Variants in SPTA1 observed in about 807,000 individuals in gnomAD.
SPTA1 encodes the protein spectrin alpha chain, erythrocytic 1.
SPTA1 carries 177 observed loss-of-function variants against 324.7 expected under a neutral mutation model. The observed-to-expected ratio is 0.55, with a 90% confidence interval of 0.48 to 0.62. The LOEUF is 0.62. Among genes scored for constraint, SPTA1 ranks in the 20% least tolerant of loss-of-function variants. The pLI is 0.00. For missense variants in SPTA1, 3,162 were observed against 2,883.6 expected (o/e 1.10, Z -2.21); for synonymous variants, 1,195 against 1,041.3 (o/e 1.15, Z -2.84).
chr1:158,612,739 A>G, intron 51 of SPTA1, 78 bp downstream of exon 51: 1 of 1,563,364 alleles, frequency 6.4e-7, no homozygotes, highest in African/African-American at 1.4e-5. Flanking sequence ...GGTTTTTTCA[A>G]AGTAGGCCAC....
In SPTA1 at chr1:158,640,558, TCC is replaced by T. The variant is rs1172869861; in HGVS notation, c.4738-553_4738-552del. On this transcript the variant is annotated intron_variant, in intron 33 of 51. Transcript: ENST00000643759. ...ACAGAGAGCCAAATCATGAGTGAAC[TCC>T]CATTCACAATTGCTTCAAAGAGAAT... Among the ~76,000 whole-genome samples the T allele has an allele frequency of 7.9e-5, 12 of 152,188 alleles. No individual in the cohort carries two copies. In the South Asian group the frequency reaches 2.1e-3, roughly 26 times the overall value.
At position 158,677,931 on chromosome 1, in the gene SPTA1, C is replaced by G. The variant is rs932360511; in HGVS notation, c.813-97G>C. ...CACAGCAAGGACCATCCTAGTTGAC[C>G]CAGGAGCAATTATCCTTTCTTCCTA... On this transcript the variant is annotated intron_variant, in intron 6 of 51. Coordinates refer to ENST00000643759, the MANE Select transcript of SPTA1 (RefSeq NM_003126.4). 109 of 1,480,430 alleles carry G rather than the reference C, an allele frequency of 7.4e-5. No individual in the cohort carries two copies. In the African/African-American group the frequency reaches 1.3e-3, roughly 18 times the overall value. 91.7% of individuals were successfully genotyped at this position (1,480,430 alleles called of 1,614,324 possible).
intron 51 of SPTA1, 78 bp from the exon 52 acceptor site, chr1:158,611,467 C>G: frequency 6.4e-7 from 1 of 1,561,580 alleles, no homozygotes; most frequent in Non-Finnish European, 8.8e-7. Flanking sequence ...CATATTACGC[C>G]ATAAATGCAG....
chr1:158,658,881 G>T (rs972863969), intron 18 of SPTA1, among the ~76,000 whole-genome samples: 2 of 152,052 alleles, frequency 1.3e-5, no homozygotes, highest in Admixed American at 6.6e-5. Flanking sequence ...TGTCAACCAA[G>T]AATTTTATAT....
chr1:158,681,350 T>C (rs1571531573), intron 4 of SPTA1, among the ~76,000 whole-genome samples, 177 bp downstream of exon 4: 1 of 152,228 alleles, frequency 6.6e-6, no homozygotes, highest in Middle Eastern at 3.4e-3. Flanking sequence ...CTTACTTCCA[T>C]ACAATGTTGA....
chr1:158,669,624 C>A (rs769424098), intron 13 of SPTA1, 61 bp from the exon 14 acceptor site: 83 of 1,613,902 alleles, frequency 5.1e-5, no homozygotes, highest in Non-Finnish European at 6.5e-5. Flanking sequence ...GTGAGATTCG[C>A]TGACCACCCT....
At position 158,620,340 on chromosome 1, in the gene SPTA1, T is replaced by C. The variant is rs1316613936; in HGVS notation, c.6247A>G (p.Lys2083Glu). 5 of 1,614,094 alleles carry C rather than the reference T, an allele frequency of 3.1e-6. No homozygotes were observed. The highest frequency in any genetic ancestry group is 3.4e-6 in the Non-Finnish European group (4 of 1,180,030). The change falls in exon 44 of 52, where the codon AAA becomes GAA. Residue 2083 changes from lysine to glutamate, a missense_variant. Transcript: ENST00000643759. The part of the protein sequence containing the change: ...VSLNEIRQLQ[K>E]DHEDFLASLA... Reference sequence around the variant, plus strand: ...GAGGCCAAGAAGTCCTCATGGTCTTTCTGCAGCTGCCGAATTTCATTCAGG... The same window carrying C: ...GAGGCCAAGAAGTCCTCATGGTCTTCCTGCAGCTGCCGAATTTCATTCAGG...
At chr1:158,611,487 A>G (rs1026793058) in intron 51 of SPTA1, 98 bp from the exon 52 acceptor site, 19 of 1,422,966 alleles carry the variant, frequency 1.3e-5, no homozygotes, top group Non-Finnish European at 1.7e-5. Context: ...GGAGATGGAG[A>G]GTCTCTGGAA....
At chr1:158,644,139 A>G in intron 30 of SPTA1, 114 bp downstream of exon 30, 1 of 1,415,670 alleles carries the variant, frequency 7.1e-7, no homozygotes, top group Non-Finnish European at 9.5e-7. Context: ...TCCATCTCAA[A>G]AAAAAAAAAA....
Position 158,651,880 on chromosome 1 carries a change from GCTCTCTCT to G in SPTA1, c.3376-420_3376-413del, listed in dbSNP as rs60287443. On this transcript the variant is annotated intron_variant, in intron 23 of 51. Coordinates refer to ENST00000643759, the MANE Select transcript of SPTA1 (RefSeq NM_003126.4). ...ATTGTAAGAAACAGCTCTAGGGAGTGCTCTCTCTCTCTCTCTCTCTCTCTCTCTCTGTG... is the reference window on the plus strand; with the variant it reads ...ATTGTAAGAAACAGCTCTAGGGAGTGCTCTCTCTCTCTCTCTCTCTCTGTG... Among the ~76,000 whole-genome samples, 1,043 of 149,386 alleles carry G rather than the reference GCTCTCTCT, an allele frequency of 7.0e-3. 12 individuals are homozygous for G. The highest frequency in any genetic ancestry group is 0.025 in the African/African-American group (1,006 of 40,180).
At position 158,677,713 on chromosome 1, in the gene SPTA1, T is replaced by C. The variant is rs1362834467; in HGVS notation, c.934A>G (p.Asn312Asp). Residue 312 changes from asparagine (N) to aspartate (D), a missense_variant, in exon 7 of 52, where the codon AAT (asparagine) becomes GAT (aspartate). Transcript: ENST00000643759. ...ACCTTGTCACTCATGACAGCAAGAT[T>C]TCTCTCAAGTCCCTTGTGACTGTGA... is the stretch of plus-strand genomic sequence containing the variant. The part of the protein sequence containing the change: ...LFHSHKGLER[N>D]LAVMSDKVKE... 2 of 1,613,414 alleles carry C rather than the reference T, an allele frequency of 1.2e-6. No homozygotes were observed. Among genetic ancestry groups the C allele is most frequent in the Non-Finnish European group, 1.7e-6 (2 of 1,179,704 alleles).
chr1:158,650,559 A>C (rs970548884), intron 24 of SPTA1, among the ~76,000 whole-genome samples: 1 of 152,178 alleles, frequency 6.6e-6, no homozygotes, highest in African/African-American at 2.4e-5. Context: ...CTACTGACCT[A>C]TATTCTCCTT....
intron 19 of SPTA1, 41 bp from the exon 20 acceptor site, chr1:158,656,697 G>A (rs376113424): frequency 1.0e-5 from 16 of 1,538,734 alleles, no homozygotes; most frequent in Non-Finnish European, 1.4e-5. Context: ...GAATATAGGA[G>A]GAACACTATT....
At chr1:158,681,734 G>A (rs1205466339) in intron 3 of SPTA1, 67 bp from the exon 4 acceptor site, 12 of 1,604,294 alleles carry the variant, frequency 7.5e-6, no homozygotes, top group Middle Eastern at 3.3e-4. Flanking sequence ...TCAGAGACTT[G>A]TGCAGAAAGA....
intron 43 of SPTA1, chr1:158,622,663 G>T: frequency 3.0e-6 from 1 of 328,092 alleles, no homozygotes; most frequent in East Asian, 7.7e-5. Flanking sequence ...GAAAAGTACA[G>T]GGACAACCTT....
chr1:158,657,015 A>G (rs1313105323), intron 19 of SPTA1, among the ~76,000 whole-genome samples: 1 of 152,234 alleles, frequency 6.6e-6, no homozygotes, highest in Non-Finnish European at 1.5e-5. Flanking sequence ...GTGAAATACT[A>G]TACCAGCTTC....
At chr1:158,668,185 G>A in intron 14 of SPTA1, 123 bp from the exon 15 acceptor site, 3 of 1,113,708 alleles carry the variant, frequency 2.7e-6, no homozygotes, top group Non-Finnish European at 3.9e-6. Context: ...AAGATAAAAG[G>A]GGGAAGTTTC....
chr1:158,665,913 C>T (rs571949621), intron 16 of SPTA1, among the ~76,000 whole-genome samples: 4 of 152,140 alleles, frequency 2.6e-5, no homozygotes, highest in South Asian at 2.1e-4. Flanking sequence ...TAGTAAGCCA[C>T]AAGGATGTAT....
chr1:158,628,325 C>A (rs1308901979), intron 39 of SPTA1, among the ~76,000 whole-genome samples: 1 of 152,136 alleles, frequency 6.6e-6, no homozygotes, highest in Non-Finnish European at 1.5e-5. Context: ...ACCATGACCA[C>A]CCACCACTGC....
Sources: gnomAD v4.1 joint callset for allele counts (sites outside exome capture counted in the v4.1 genomes callset) on GRCh38, gnomAD v4.1.1 for gene constraint, MANE v1.5 for transcripts, NCBI Gene and HGNC (gene_info 2026-07-23, HGNC 2026-07-21) for gene names.